Variants in DYM observed in about 807,000 individuals in gnomAD.
The protein encoded by DYM is dymeclin, also known as dyggve-Melchior-Clausen syndrome protein.
A neutral mutation model predicts 93.1 loss-of-function variants in DYM; 78 were observed. That is an observed-to-expected ratio of 0.84 (90% CI 0.70 to 1.01). DYM has a LOEUF of 1.01. Ranked by LOEUF, DYM falls within the 50% of genes least tolerant of loss-of-function variation. The pLI, the probability that DYM is intolerant of heterozygous loss-of-function variation, is 0.00. For synonymous variants in DYM, 321 were observed against 319.7 expected (o/e 1.00, Z -0.04); for missense variants, 789 against 845.0 (o/e 0.93, Z 0.82).
At chr18:49,195,956 C>T (rs1321690711) in intron 14 of DYM, among the ~76,000 whole-genome samples, 1 of 106,604 alleles carries the variant, frequency 9.4e-6, no homozygotes, top group Non-Finnish European at 1.7e-5. Context: ...CGGAGCCTCG[C>T]TCTGTTGCCC....
At chr18:49,405,207 T>C (rs780357900) in intron 2 of DYM, among the ~76,000 whole-genome samples, 1 of 152,318 alleles carries the variant, frequency 6.6e-6, no homozygotes, top group Non-Finnish European at 1.5e-5. Context: ...CTGTTTACTC[T>C]GTTGATTTTT....
chr18:49,289,758 T>TATAC (rs1555678672), intron 8 of DYM, among the ~76,000 whole-genome samples: 1 of 38,166 alleles, frequency 2.6e-5, no homozygotes, highest in African/African-American at 6.9e-5. Flanking sequence ...TATATATATA[T>TATAC]ATATATATAT....
chr18:49,213,066 G>C (rs976351448), intron 13 of DYM, among the ~76,000 whole-genome samples: 1 of 152,130 alleles, frequency 6.6e-6, no homozygotes, highest in Non-Finnish European at 1.5e-5. Context: ...AAATGTCCAA[G>C]ATTGTGCAAT....
intron 11 of DYM, among the ~76,000 whole-genome samples, chr18:49,258,837 C>CAGAGAG (rs1568120082): frequency 3.5e-4 from 49 of 138,122 alleles, no homozygotes; most frequent in South Asian, 1.0e-3. Flanking sequence ...CACACACACA[C>CAGAGAG]ACAGAGAGAG....
chr18:49,277,294 G>A (rs2094869061), intron 10 of DYM, among the ~76,000 whole-genome samples: 1 of 152,112 alleles, frequency 6.6e-6, no homozygotes. Context: ...TTGCTTAGAT[G>A]TTTTAGGGAG....
intron 14 of DYM, among the ~76,000 whole-genome samples, chr18:49,202,891 G>GAC (rs2092156612): frequency 1.6e-5 from 2 of 127,994 alleles, no homozygotes. Flanking sequence ...CACCCCGTCC[G>GAC]GGAGGGAGGT....
rs60775305 is a variant in DYM at position 49,313,462 on chromosome 18, CAAAAAAAAAAAAAAAAAAAA to C, written c.763+18382_763+18401del. Among the ~76,000 whole-genome samples, 562 of 28,644 alleles carry C rather than the reference CAAAAAAAAAAAAAAAAAAAA, an allele frequency of 0.02. 42 individuals carry two copies. The East Asian group carries it at 0.24, about 12-fold the overall frequency. 18.8% of individuals were successfully genotyped at this position (28,644 alleles called of 152,430 possible). A position where few individuals can be genotyped will look rare whatever the true frequency, so the allele number is the denominator to read the frequency against. On this transcript the variant is annotated intron_variant, in intron 8 of 17. Coordinates refer to ENST00000675505, the MANE Select transcript of DYM (RefSeq NM_001353214.3). ...TCGGCAACAGAGCAAGACTCTGTCA[CAAAAAAAAAAAAAAAAAAAA>C]AAAAAAAAAAAAAAAGGGCTGCAGT...
chr18:49,191,068 G>A (rs907652712), intron 14 of DYM, among the ~76,000 whole-genome samples: 1 of 148,856 alleles, frequency 6.7e-6, no homozygotes, highest in African/African-American at 2.5e-5. Flanking sequence ...TATTGTGATT[G>A]TGCTGGGGGG....
rs531963442 is a variant in DYM at position 49,258,981 on chromosome 18, CA to C, written c.1252-489del. 2.3e-4 allele frequency among the ~76,000 whole-genome samples: 33 copies of C among 140,694 alleles called. 2 individuals carry two copies. The South Asian group carries it at 2.8e-3, about 12-fold the overall frequency. 92.3% of individuals were successfully genotyped at this position (140,694 alleles called of 152,430 possible). On this transcript the variant is annotated intron_variant, in intron 11 of 17. Coordinates refer to ENST00000675505, the MANE Select transcript of DYM (RefSeq NM_001353214.3). ...GAAAGAGGTAAAATGGGGGAAAAAACAAAAAAAAAAACAAACCAACAGGCTC... is the reference window on the plus strand; with the variant it reads ...GAAAGAGGTAAAATGGGGGAAAAAACAAAAAAAAAACAAACCAACAGGCTC...
At chr18:49,116,375 C>A (rs537331598) in intron 16 of DYM, 1 of 152,212 alleles carries the variant, frequency 6.6e-6, no homozygotes, top group East Asian at 1.9e-4. Context: ...TACCCACAAG[C>A]ATAATGAGTC....
chr18:49,195,385 C>T (rs563549353), intron 14 of DYM, among the ~76,000 whole-genome samples: 1 of 152,292 alleles, frequency 6.6e-6, no homozygotes, highest in African/African-American at 2.4e-5. Context: ...AAATATTCAT[C>T]ATTTCCTTGT....
chr18:49,134,879 G>A (rs180719223), intron 15 of DYM, among the ~76,000 whole-genome samples: 425 of 152,214 alleles, frequency 2.8e-3, no homozygotes, highest in African/African-American at 8.9e-3. Context: ...AGGCTGAGGC[G>A]GTGGATCACC....
At chr18:49,454,247 G>A (rs1228114564) in intron 1 of DYM, among the ~76,000 whole-genome samples, 4 of 152,142 alleles carry the variant, frequency 2.6e-5, no homozygotes, top group African/African-American at 7.2e-5. Context: ...GAGTTAACAA[G>A]GAATTACTTA....
intron 14 of DYM, among the ~76,000 whole-genome samples, chr18:49,183,396 A>T (rs891210658): frequency 2.6e-5 from 4 of 152,134 alleles, no homozygotes; most frequent in African/African-American, 9.7e-5. Flanking sequence ...ATTTGTGCCC[A>T]TCACTCTTTA....
intron 8 of DYM, among the ~76,000 whole-genome samples, chr18:49,295,585 T>C (rs940945861): frequency 6.6e-6 from 1 of 152,186 alleles, no homozygotes; most frequent in Non-Finnish European, 1.5e-5. Flanking sequence ...CTTTGGTCCC[T>C]GGATAACCTC....
intron 6 of DYM, among the ~76,000 whole-genome samples, chr18:49,338,101 A>T (rs897341261): frequency 6.6e-6 from 1 of 152,242 alleles, no homozygotes; most frequent in African/African-American, 2.4e-5. Context: ...AAATAAATTT[A>T]AAAATCCAAC....
chr18:49,330,268 C>T (rs1000010835), intron 8 of DYM, among the ~76,000 whole-genome samples: 1 of 152,046 alleles, frequency 6.6e-6, no homozygotes, highest in Non-Finnish European at 1.5e-5. Flanking sequence ...TTTTAATGCA[C>T]TTAACTGAAT....
Position 49,373,446 on chromosome 18 carries a change from A to T in DYM, c.421+5121T>A, listed in dbSNP as rs529572654. Among the ~76,000 whole-genome samples, 8 of 152,268 alleles carry T rather than the reference A, an allele frequency of 5.3e-5. No homozygotes were observed. In the South Asian group the frequency reaches 1.7e-3, roughly 32 times the overall value. ...TTCTTAAGATTGCCATGGCATTTGT[A>T]AACTGTCATGGCGCTGGTGGGAGTG... is the stretch of plus-strand genomic sequence containing the variant. On this transcript the variant is annotated intron_variant, in intron 5 of 17. Coordinates refer to ENST00000675505, the MANE Select transcript of DYM (RefSeq NM_001353214.3).
intron 15 of DYM, among the ~76,000 whole-genome samples, chr18:49,154,949 A>G (rs1009846267): frequency 3.9e-5 from 6 of 152,252 alleles, no homozygotes; most frequent in African/African-American, 9.6e-5. Flanking sequence ...TATAAACTAC[A>G]TGCTATAAAG....
Sources: allele counts gnomAD v4.1 joint callset (sites outside exome capture counted in the v4.1 genomes callset), GRCh38; gene constraint gnomAD v4.1.1; transcripts MANE v1.5; gene names NCBI Gene and HGNC (gene_info 2026-07-23, HGNC 2026-07-21).